Variants in ADAMTS6 observed in about 807,000 individuals in gnomAD.
ADAMTS6 encodes the protein ADAM metallopeptidase with thrombospondin type 1 motif 6.
Under a neutral mutation model 144.3 loss-of-function variants are expected in ADAMTS6, and 23 were observed. The ratio of observed to expected loss-of-function variants is 0.16; its 90% confidence interval spans 0.11 to 0.23. ADAMTS6 has a LOEUF of 0.23. Among genes scored for constraint, ADAMTS6 ranks in the 10% least tolerant of loss-of-function variants. The probability of loss-of-function intolerance (pLI) is 1.00; values close to 1 mark genes in which losing one functional copy is unlikely to be tolerated. For synonymous variants in ADAMTS6, 444 were observed against 457.5 expected (o/e 0.97, Z 0.38); for missense variants, 999 against 1,379.6 (o/e 0.72, Z 4.37).
chr5:65,275,506 C>T (rs1015661868), intron 11 of ADAMTS6, among the ~76,000 whole-genome samples: 1 of 151,412 alleles, frequency 6.6e-6, no homozygotes, highest in African/African-American at 2.4e-5. Flanking sequence ...ATAACATAAA[C>T]ATAAAACGTT....
At position 65,370,121 on chromosome 5, in the gene ADAMTS6, T is replaced by G. The variant is rs531979331; in HGVS notation, c.1074-36036A>C. On this transcript the variant is annotated intron_variant, in intron 7 of 24. Coordinates refer to ENST00000381055, the MANE Select transcript of ADAMTS6 (RefSeq NM_197941.4). ...ATGTATGTTTTCATTTAGAAAGAAATAAAAGCGGCCAGGCACGGTGGCTCA... is the reference window on the plus strand; with the variant it reads ...ATGTATGTTTTCATTTAGAAAGAAAGAAAAGCGGCCAGGCACGGTGGCTCA... Among the ~76,000 whole-genome samples, 13 of 151,976 alleles carry G rather than the reference T, an allele frequency of 8.6e-5. 1 individual carries two copies. The highest frequency in any genetic ancestry group is 3.1e-4 in the African/African-American group (13 of 41,470).
At chr5:65,334,339 T>C (rs1323083664) in intron 7 of ADAMTS6, among the ~76,000 whole-genome samples, 1 of 152,214 alleles carries the variant, frequency 6.6e-6, no homozygotes, top group Non-Finnish European at 1.5e-5. Flanking sequence ...ATTTTTGTAA[T>C]CGCAAGTTCC....
chr5:65,154,439 AG>A (rs1561227443), intron 24 of ADAMTS6, among the ~76,000 whole-genome samples: 1 of 152,184 alleles, frequency 6.6e-6, no homozygotes, highest in Non-Finnish European at 1.5e-5. Flanking sequence ...GATTGGAAGC[AG>A]GAAGTCCGTA....
chr5:65,390,886 G>A (rs1752856416), intron 7 of ADAMTS6, among the ~76,000 whole-genome samples: 1 of 151,312 alleles, frequency 6.6e-6, no homozygotes, highest in Non-Finnish European at 1.5e-5. Context: ...CCAAGTAATG[G>A]ATCTTCTACT....
chr5:65,327,451 A>G (rs1296493033), intron 9 of ADAMTS6, among the ~76,000 whole-genome samples: 5 of 151,866 alleles, frequency 3.3e-5, no homozygotes, highest in Non-Finnish European at 7.4e-5. Context: ...CTGTCAAACA[A>G]CATTTTTAAA....
At chr5:65,311,872 G>A (rs934813977) in intron 9 of ADAMTS6, among the ~76,000 whole-genome samples, 5 of 151,974 alleles carry the variant, frequency 3.3e-5, no homozygotes, top group South Asian at 4.1e-4. Context: ...TCTGTATAGC[G>A]AAGGAAAATC....
intron 7 of ADAMTS6, among the ~76,000 whole-genome samples, chr5:65,445,483 G>A (rs544678150): frequency 9.2e-5 from 14 of 152,226 alleles, no homozygotes; most frequent in African/African-American, 2.2e-4. Flanking sequence ...GATTACAAGC[G>A]CGTGCCACCA....
At chr5:65,328,791 C>T (rs559340064) in intron 9 of ADAMTS6, among the ~76,000 whole-genome samples, 2 of 151,820 alleles carry the variant, frequency 1.3e-5, no homozygotes, top group Non-Finnish European at 2.9e-5. Flanking sequence ...GGGCAGGGTA[C>T]ATAAGATAGT....
chr5:65,390,594 T>C (rs1024277225), intron 7 of ADAMTS6, among the ~76,000 whole-genome samples: 1 of 152,230 alleles, frequency 6.6e-6, no homozygotes, highest in Non-Finnish European at 1.5e-5. Flanking sequence ...ATTCTGCATA[T>C]GTTCTAAAAG....
chr5:65,253,812 C>CTTTTTTTTTTTTTTTTTTTT (rs759508097), intron 14 of ADAMTS6, among the ~76,000 whole-genome samples: 1 of 66,998 alleles, frequency 1.5e-5, no homozygotes, highest in Non-Finnish European at 2.6e-5. Flanking sequence ...AATATTCAAT[C>CTTTTTTTTTTTTTTTTTTTT]TTTTTTTTTT....
chr5:65,367,765 C>A (rs1381889085), intron 7 of ADAMTS6, among the ~76,000 whole-genome samples: 1 of 152,070 alleles, frequency 6.6e-6, no homozygotes, highest in Non-Finnish European at 1.5e-5. Flanking sequence ...AGAGTTCCCA[C>A]TTACAAACTT....
chr5:65,295,038 C>A (rs12516283), intron 10 of ADAMTS6, among the ~76,000 whole-genome samples: 1 of 151,902 alleles, frequency 6.6e-6, no homozygotes, highest in African/African-American at 2.4e-5. Context: ...GTGTGTAAAT[C>A]TAATTGTAGC....
At chr5:65,263,215 T>C (rs940944527) in intron 12 of ADAMTS6, among the ~76,000 whole-genome samples, 15 of 152,218 alleles carry the variant, frequency 9.9e-5, no homozygotes, top group Non-Finnish European at 1.9e-4. Flanking sequence ...CATTGCTTCT[T>C]TTCCCTTGTT....
At chr5:65,450,904 T>C (rs1380421053) in intron 7 of ADAMTS6, among the ~76,000 whole-genome samples, 2 of 152,190 alleles carry the variant, frequency 1.3e-5, no homozygotes, top group African/African-American at 4.8e-5. Flanking sequence ...TTCAATGGGT[T>C]ATCACCAAAT....
At chr5:65,421,539 G>C (rs1365684759) in intron 7 of ADAMTS6, among the ~76,000 whole-genome samples, 4 of 152,036 alleles carry the variant, frequency 2.6e-5, no homozygotes, top group African/African-American at 7.2e-5. Context: ...TTGAATAAAG[G>C]CTCTTCAATA....
chr5:65,375,992 T>C (rs1246749738), intron 7 of ADAMTS6, among the ~76,000 whole-genome samples: 1 of 152,036 alleles, frequency 6.6e-6, no homozygotes, highest in African/African-American at 2.4e-5. Flanking sequence ...ATCAGCATTC[T>C]CAGTAAACTA....
At chr5:65,431,217 C>T (rs1176718612) in intron 7 of ADAMTS6, among the ~76,000 whole-genome samples, 1 of 152,058 alleles carries the variant, frequency 6.6e-6, no homozygotes, top group Non-Finnish European at 1.5e-5. Context: ...TTATATGTCT[C>T]ATAGGCTTTG....
chr5:65,334,142 C>T, intron 7 of ADAMTS6, 57 bp from the exon 8 acceptor site: 1 of 1,445,844 alleles, frequency 6.9e-7, no homozygotes, highest in South Asian at 1.4e-5. Flanking sequence ...ACATATTTTT[C>T]TATATTCATC....
chr5:65,195,591 C>A (rs183848091), intron 21 of ADAMTS6, among the ~76,000 whole-genome samples: 4 of 152,240 alleles, frequency 2.6e-5, no homozygotes, highest in Admixed American at 2.6e-4. Flanking sequence ...ACAAGAAATG[C>A]ACCTTGAACA....
Sources: gnomAD v4.1 joint callset for allele counts (sites outside exome capture counted in the v4.1 genomes callset) on GRCh38, gnomAD v4.1.1 for gene constraint, MANE v1.5 for transcripts, NCBI Gene and HGNC (gene_info 2026-07-23, HGNC 2026-07-21) for gene names.